ACOT7: variants seen among roughly 807,000 people sequenced by gnomAD.
The protein encoded by ACOT7 is cytosolic acyl coenzyme A thioester hydrolase.
ACOT7 carries 12 observed loss-of-function variants against 40.2 expected under a neutral mutation model. The ratio of observed to expected loss-of-function variants is 0.30; its 90% CI spans 0.19 to 0.48. The LOEUF (loss-of-function observed/expected upper bound fraction) is 0.48. Among genes scored for constraint, ACOT7 ranks in the 20% least tolerant of loss-of-function variants. ACOT7 has a pLI of 0.99. For synonymous variants in ACOT7, 228 were observed against 219.5 expected (o/e 1.04, Z -0.34); for missense variants, 395 against 530.8 (o/e 0.74, Z 2.51).
chr1:6,292,206 A>G (rs1319945318), intron 7 of ACOT7, among the ~76,000 whole-genome samples: 2 of 152,230 alleles, frequency 1.3e-5, no homozygotes, highest in East Asian at 3.8e-4. Flanking sequence ...GATGTCATCT[A>G]AGAAAACAAC....
At chr1:6,295,037 C>T in intron 6 of ACOT7, 57 bp from the exon 7 acceptor site, 1 of 1,388,878 alleles carries the variant, frequency 7.2e-7, no homozygotes, top group Non-Finnish European at 1.0e-6. Context: ...GATTATTTCA[C>T]ACCCTGGAAA....
chr1:6,377,543 A>T (rs1478659214), intron 1 of ACOT7, among the ~76,000 whole-genome samples: 2 of 152,196 alleles, frequency 1.3e-5, no homozygotes, highest in Admixed American at 6.5e-5. Flanking sequence ...CTGGTTTATG[A>T]GTGTCACCAC....
rs555025798 is a variant in ACOT7 at position 6,275,277 on chromosome 1, G to A, written c.1014+5825C>T. ...AACAAACCTGCTGAGAATGGCCCCCGGCCTGGTAGGGCTCCCTCAACCTGA... is the reference window on the plus strand; with the variant it reads ...AACAAACCTGCTGAGAATGGCCCCCAGCCTGGTAGGGCTCCCTCAACCTGA... On this transcript the variant is annotated intron_variant, in intron 8 of 8. Transcript: ENST00000361521. This position sits in a 1 kb window ranked among gnomAD's most constrained non-coding sequence, Gnocchi z 5.6. Among the ~76,000 whole-genome samples, 33 of 152,312 alleles carry A rather than the reference G, an allele frequency of 2.2e-4. No homozygotes were observed. Among genetic ancestry groups the A allele is most frequent in the African/African-American group, 6.0e-4 (25 of 41,578 alleles).
At chr1:6,325,870 G>A (rs1217098984) in intron 5 of ACOT7, among the ~76,000 whole-genome samples, 1 of 152,192 alleles carries the variant, frequency 6.6e-6, no homozygotes, top group African/African-American at 2.4e-5. Context: ...GGTTAGCAGG[G>A]GCCAGGGCGC....
At chr1:6,365,540 T>C (rs374333805) in intron 1 of ACOT7, among the ~76,000 whole-genome samples, 6 of 152,004 alleles carry the variant, frequency 3.9e-5, no homozygotes, top group Non-Finnish European at 8.8e-5. Flanking sequence ...GAGGCCAAGG[T>C]GGGTGGATCA....
At chr1:6,290,854 G>A (rs568575899) in intron 7 of ACOT7, among the ~76,000 whole-genome samples, 14 of 152,316 alleles carry the variant, frequency 9.2e-5, no homozygotes, top group South Asian at 4.1e-4. Flanking sequence ...GTCAGGGTCC[G>A]GAGCTAGCCC....
At chr1:6,292,725 A>G (rs1187618493) in intron 7 of ACOT7, among the ~76,000 whole-genome samples, 1 of 143,656 alleles carries the variant, frequency 7.0e-6, no homozygotes, top group East Asian at 2.0e-4. Context: ...TCTGTTGCCC[A>G]GGCTGGAGTG....
At chr1:6,277,939 G>A (rs923399545) in intron 8 of ACOT7, among the ~76,000 whole-genome samples, 3 of 152,138 alleles carry the variant, frequency 2.0e-5, no homozygotes, top group African/African-American at 7.2e-5. Flanking sequence ...CATCACCACC[G>A]TACAGATGAG....
At chr1:6,327,049 C>T (rs939788956) in intron 5 of ACOT7, among the ~76,000 whole-genome samples, 1 of 152,208 alleles carries the variant, frequency 6.6e-6, no homozygotes, top group African/African-American at 2.4e-5. Context: ...AGGCCCCACG[C>T]ACAGTGCCCT....
At chr1:6,350,248 T>C (rs1641553385) in intron 1 of ACOT7, among the ~76,000 whole-genome samples, 1 of 152,114 alleles carries the variant, frequency 6.6e-6, no homozygotes, top group African/African-American at 2.4e-5. Flanking sequence ...ACTGTGACCC[T>C]AGGAGCAAAT....
intron 4 of ACOT7, 61 bp from the exon 5 acceptor site, chr1:6,327,474 C>G: frequency 6.6e-7 from 1 of 1,508,274 alleles, no homozygotes; most frequent in African/African-American, 1.4e-5. Context: ...CCTCGCTGGG[C>G]GGCCATGATC....
chr1:6,268,156 C>T (rs971359393), intron 8 of ACOT7, among the ~76,000 whole-genome samples: 18 of 152,032 alleles, frequency 1.2e-4, no homozygotes, highest in Non-Finnish European at 2.2e-4. Context: ...TAGACTGTGG[C>T]GGGGGATGTC....
chr1:6,340,653 A>G (rs908089627), intron 2 of ACOT7, among the ~76,000 whole-genome samples: 1 of 152,180 alleles, frequency 6.6e-6, no homozygotes, highest in African/African-American at 2.4e-5. Flanking sequence ...CTGTGCAAAA[A>G]CTAAGTATAC....
intron 7 of ACOT7, among the ~76,000 whole-genome samples, chr1:6,283,196 C>T (rs1272851907): frequency 6.6e-6 from 1 of 152,180 alleles, no homozygotes; most frequent in East Asian, 1.9e-4. Context: ...TGGAGTCTCG[C>T]TCTATTGCCC....
At chr1:6,291,035 C>A (rs1376639990) in intron 7 of ACOT7, among the ~76,000 whole-genome samples, 1 of 152,098 alleles carries the variant, frequency 6.6e-6, no homozygotes, top group African/African-American at 2.4e-5. Flanking sequence ...CAGCTTGGGG[C>A]TGGTGAATCC....
At chr1:6,300,037 G>A (rs896549575) in intron 6 of ACOT7, among the ~76,000 whole-genome samples, 12 of 152,238 alleles carry the variant, frequency 7.9e-5, no homozygotes, top group African/African-American at 2.9e-4. Flanking sequence ...GAATGACGAT[G>A]AGCCAGCAGG....
chr1:6,369,398 CTTTTTTTTT>C (rs60404741), intron 1 of ACOT7, among the ~76,000 whole-genome samples: 6 of 100,894 alleles, frequency 5.9e-5, no homozygotes. Context: ...AAATGCATTT[CTTTTTTTTT>C]TTTTTTTTTT....
chr1:6,273,575 T>C (rs186338817), intron 8 of ACOT7, among the ~76,000 whole-genome samples: 16 of 152,370 alleles, frequency 1.1e-4, no homozygotes, highest in African/African-American at 3.8e-4. Flanking sequence ...CCCTCACTAA[T>C]GGCCAAACGC....
chr1:6,393,371 G>A lies in ACOT7; in HGVS notation c.29C>T (p.Ala10Val). The A allele has an allele frequency of 1.6e-6, 2 of 1,236,748 alleles. No individual in the cohort carries two copies. The highest frequency in any genetic ancestry group is 8.4e-5 in the Admixed American group (2 of 23,728). 76.6% of individuals were successfully genotyped at this position (1,236,748 alleles called of 1,614,324 possible). Reference sequence around the variant, plus strand: ...GGCGCAGGTGTCTGGCAGGCCCGGCGCGGAATGAATGAGCCCGGGCCGCGC... The same window carrying A: ...GGCGCAGGTGTCTGGCAGGCCCGGCACGGAATGAATGAGCCCGGGCCGCGC... MARPGLIHS[A>V]PGLPDTCALL... The change falls in exon 1 of 9, where the codon GCG (alanine) becomes GTG (valine). Residue 10 changes from alanine to valine, a missense_variant. By Grantham distance (64) the Ala-to-Val change is moderately conservative. Transcript: ENST00000361521.
Sources: gnomAD v4.1 joint callset for allele counts (sites outside exome capture counted in the v4.1 genomes callset) on GRCh38, gnomAD v4.1.1 for gene constraint, Gnocchi (gnomAD v3.1) non-coding constraint, MANE v1.5 for transcripts, NCBI Gene and HGNC (gene_info 2026-07-23, HGNC 2026-07-21) for gene names.